The following NBEA variants were observed in gnomAD, a reference collection of about 807,000 sequenced individuals.
The protein encoded by NBEA is neurobeachin, also known as lysosomal-trafficking regulator 2.
A neutral mutation model predicts 343.4 loss-of-function variants in NBEA; 44 were observed. The observed-to-expected ratio is 0.13, with a 90% CI of 0.10 to 0.16. NBEA has a LOEUF of 0.16. Ranked by LOEUF, NBEA falls within the 10% of genes least tolerant of loss-of-function variation. The pLI, the probability that NBEA is intolerant of heterozygous loss-of-function variation, is 1.00. For missense variants in NBEA, 2,555 were observed against 3,631.3 expected, an observed-to-expected ratio of 0.70 and a Z score of 7.62; for synonymous variants, 1,175 against 1,238.7, an observed-to-expected ratio of 0.95 and a Z score of 1.08.
intron 38 of NBEA, among the ~76,000 whole-genome samples, chr13:35,411,840 G>A (rs2043606118): frequency 6.6e-6 from 1 of 151,934 alleles, no homozygotes; most frequent in Admixed American, 6.6e-5. Flanking sequence ...TGAAAAGAAG[G>A]GGGACAATAC....
At chr13:35,131,402 T>G (rs887968247) in intron 17 of NBEA, among the ~76,000 whole-genome samples, 3 of 152,176 alleles carry the variant, frequency 2.0e-5, no homozygotes, top group Non-Finnish European at 4.4e-5. Flanking sequence ...AAAGGTGGTT[T>G]AACATCAGGA....
At chr13:35,286,242 G>C (rs1216234252) in intron 34 of NBEA, among the ~76,000 whole-genome samples, 1 of 151,840 alleles carries the variant, frequency 6.6e-6, no homozygotes, top group East Asian at 1.9e-4. Flanking sequence ...GAATGAATTG[G>C]GATCTTATTC....
intron 38 of NBEA, among the ~76,000 whole-genome samples, chr13:35,421,431 A>G (rs757188734): frequency 1.3e-5 from 2 of 152,084 alleles, no homozygotes; most frequent in African/African-American, 4.8e-5. Context: ...CATGTGAAAT[A>G]TAGACACTAT....
chr13:35,195,705 T>C lies in NBEA; in HGVS notation c.4928-159T>C, dbSNP rs564128168. Among the ~76,000 whole-genome samples, 64 of 152,140 alleles carry C rather than the reference T, an allele frequency of 4.2e-4. 1 individual carries two copies. Among genetic ancestry groups the C allele is most frequent in the Non-Finnish European group, 5.9e-5 (4 of 68,010 alleles). On this transcript the variant is annotated intron_variant, in intron 30 of 58. Transcript: ENST00000379939. ...AGCCATCATGTCTGGCTGGATGATA[T>C]CTTTCAACTGAGTTGTGTTACTACT...
chr13:35,026,040 C>T (rs1046311242), intron 1 of NBEA, among the ~76,000 whole-genome samples: 12 of 152,018 alleles, frequency 7.9e-5, no homozygotes, highest in Admixed American at 2.6e-4. Flanking sequence ...TAATAATCTC[C>T]ACATGTCAAG....
rs147951460 is a variant in NBEA, at chr13:35,630,693, G to A, written c.7617+2445G>A. ...TCCTCAACCCTATAATTCTGTGTCA[G>A]TTCTTAGAACACGATACATGTGAAG... On this transcript the variant is annotated intron_variant, in intron 49 of 58. Coordinates refer to ENST00000379939, the MANE Select transcript of NBEA (RefSeq NM_001385012.1). Among the ~76,000 whole-genome samples the A allele has an allele frequency of 5.5e-3, 832 of 152,182 alleles. 7 individuals carry two copies. Among genetic ancestry groups the A allele is most frequent in the African/African-American group, 0.019 (781 of 41,510 alleles).
chr13:35,409,941 C>A (rs998824589), intron 38 of NBEA, among the ~76,000 whole-genome samples: 3 of 151,838 alleles, frequency 2.0e-5, no homozygotes, highest in African/African-American at 7.3e-5. Flanking sequence ...TAGGTTATAC[C>A]ATCTAACCTA....
intron 41 of NBEA, among the ~76,000 whole-genome samples, chr13:35,547,824 G>A (rs1213213188): frequency 6.6e-6 from 1 of 152,222 alleles, no homozygotes; most frequent in Non-Finnish European, 1.5e-5. Context: ...AGGAGGTGGA[G>A]GTCGCAGTGA....
At chr13:35,472,023 G>A (rs576018855) in intron 40 of NBEA, among the ~76,000 whole-genome samples, 3 of 152,202 alleles carry the variant, frequency 2.0e-5, no homozygotes, top group East Asian at 3.9e-4. Flanking sequence ...GGTCTTGGGG[G>A]CAGTGCTGAC....
intron 28 of NBEA, among the ~76,000 whole-genome samples, chr13:35,179,970 T>A (rs539992134): frequency 6.6e-6 from 1 of 151,916 alleles, no homozygotes; most frequent in Admixed American, 6.6e-5. Context: ...TAACCCACAA[T>A]GTATGAAATA....
At chr13:35,093,940 C>T (rs2065205442) in intron 10 of NBEA, among the ~76,000 whole-genome samples, 1 of 151,624 alleles carries the variant, frequency 6.6e-6, no homozygotes, top group Non-Finnish European at 1.5e-5. Context: ...AGGCATTTTG[C>T]TCTCAAACTA....
At chr13:35,530,921 T>C (rs892607548) in intron 41 of NBEA, among the ~76,000 whole-genome samples, 3 of 152,252 alleles carry the variant, frequency 2.0e-5, no homozygotes, top group African/African-American at 7.2e-5. Flanking sequence ...GTCTTCATTT[T>C]TGAGCTTTTA....
intron 48 of NBEA, among the ~76,000 whole-genome samples, chr13:35,616,254 A>G (rs1265258768): frequency 1.3e-5 from 2 of 152,152 alleles, no homozygotes; most frequent in Non-Finnish European, 1.5e-5. Context: ...TTCCACCTGT[A>G]TTTTGAATTA....
chr13:35,404,190 C>T (rs1404432090), intron 38 of NBEA, among the ~76,000 whole-genome samples: 54 of 151,938 alleles, frequency 3.6e-4, no homozygotes, highest in African/African-American at 4.3e-4. Flanking sequence ...TGGAAGTCAG[C>T]GTGGCGATTC....
intron 1 of NBEA, among the ~76,000 whole-genome samples, chr13:34,981,297 C>T (rs1478814259): frequency 9.2e-5 from 14 of 152,116 alleles, no homozygotes; most frequent in Admixed American, 1.3e-4. Context: ...TACCAGTTTA[C>T]GACCATTTGA....
At chr13:35,487,661 A>G (rs891022785) in intron 41 of NBEA, among the ~76,000 whole-genome samples, 3 of 151,786 alleles carry the variant, frequency 2.0e-5, no homozygotes, top group Non-Finnish European at 4.4e-5. Context: ...TAGTGGTTAG[A>G]ACGCTCTTCC....
At chr13:35,518,310 A>G (rs971271425) in intron 41 of NBEA, among the ~76,000 whole-genome samples, 13 of 152,222 alleles carry the variant, frequency 8.5e-5, no homozygotes, top group Non-Finnish European at 8.8e-5. Flanking sequence ...ATTATATTAA[A>G]TCCTTATAAC....
chr13:34,985,126 A>G (rs2060499807), intron 1 of NBEA, among the ~76,000 whole-genome samples: 1 of 151,060 alleles, frequency 6.6e-6, no homozygotes, highest in African/African-American at 2.4e-5. Flanking sequence ...CAGTTTTCAA[A>G]AGGAATGCTT....
chr13:35,200,071 T>C (rs2072910090), intron 31 of NBEA, among the ~76,000 whole-genome samples: 4 of 152,074 alleles, frequency 2.6e-5, no homozygotes, highest in Admixed American at 6.6e-5. Context: ...TTCAAAGTTC[T>C]GTTACTGTGA....
Sources: gnomAD v4.1 joint callset for allele counts (sites outside exome capture counted in the v4.1 genomes callset) on GRCh38, gnomAD v4.1.1 for gene constraint, MANE v1.5 for transcripts, NCBI Gene and HGNC (gene_info 2026-07-23, HGNC 2026-07-21) for gene names.